The following CILK1 variants were observed in gnomAD, a reference collection of about 807,000 sequenced individuals.
CILK1 encodes ciliogenesis associated kinase 1.
In CILK1, 47 loss-of-function variants were observed where a neutral mutation model predicts 79.2. The observed-to-expected ratio is 0.59, with a 90% CI of 0.47 to 0.76. CILK1 has a LOEUF of 0.76. CILK1 is among the 30% of genes least tolerant of loss of function. The pLI is 0.00. For missense variants in CILK1, 660 were observed against 769.5 expected (o/e 0.86, Z 1.68); for synonymous variants, 266 against 275.9 (o/e 0.96, Z 0.36).
At chr6:53,056,860 A>G (rs575212472) in intron 1 of CILK1, among the ~76,000 whole-genome samples, 71 of 152,352 alleles carry the variant, frequency 4.7e-4, no homozygotes, top group African/African-American at 1.6e-3. Context: ...TCATCCCGTC[A>G]CGCCCCACTT....
chr6:53,022,604 T>A (rs1278724061), intron 5 of CILK1, among the ~76,000 whole-genome samples: 4 of 152,210 alleles, frequency 2.6e-5, no homozygotes, highest in African/African-American at 9.7e-5. Context: ...TCAGAACATA[T>A]CCAGTCATCA....
intron 2 of CILK1, among the ~76,000 whole-genome samples, chr6:53,038,840 C>G (rs371441528): frequency 6.6e-6 from 1 of 152,114 alleles, no homozygotes; most frequent in East Asian, 1.9e-4. Flanking sequence ...GTTTGCCAAC[C>G]CCTGGTCTAG....
intron 4 of CILK1, among the ~76,000 whole-genome samples, chr6:53,031,903 C>T (rs1444907965): frequency 6.6e-6 from 1 of 152,026 alleles, no homozygotes; most frequent in South Asian, 2.1e-4. Flanking sequence ...GTGCGATGTC[C>T]GCTCACCCCA....
At chr6:53,055,136 A>G (rs915738558) in intron 1 of CILK1, among the ~76,000 whole-genome samples, 1 of 152,194 alleles carries the variant, frequency 6.6e-6, no homozygotes, top group Non-Finnish European at 1.5e-5. Context: ...TACATTGAAA[A>G]GATTCTGTTA....
Position 53,013,885 on chromosome 6 carries a change from T to C in CILK1, c.929A>G (p.Lys310Arg), listed in dbSNP as rs1381159608. The change falls in exon 9 of 14, where the codon AAG becomes AGG. Residue 310 changes from lysine (K) to arginine (R), a missense_variant. Transcript: ENST00000676107. The stretch of plus-strand genomic sequence containing the variant: ...CTTAATATAAGGAGGTGGGCCTGCC[T>C]TTTCCAGGATGCCTTTCTGTGGTTT... ...SEKPQKGILE[K>R]AGPPPYIKPV... The C allele has an allele frequency of 1.2e-6, 2 of 1,613,870 alleles. No homozygotes were observed. The highest frequency in any genetic ancestry group is 2.2e-5 in the East Asian group (1 of 44,888).
chr6:53,013,958 C>CT lies in CILK1; in HGVS notation c.855dup (p.Val286SerfsTer33). ...GTGGTGCTGCCTAGTGGGTGTCCAA[C>CT]TTGGAAGTAAGGATATCGAAGTGCC... On this transcript the variant is annotated frameshift_variant, in exon 9 of 14. Coordinates refer to ENST00000676107, the MANE Select transcript of CILK1 (RefSeq NM_014920.5). LOFTEE classifies it high-confidence loss of function. 6.2e-7 allele frequency: 1 copy of CT among 1,614,002 alleles called. No homozygotes were observed. The highest frequency in any genetic ancestry group is 8.5e-7 in the Non-Finnish European group (1 of 1,179,996).
chr6:53,044,861 AG>A (rs1360646786), intron 1 of CILK1, among the ~76,000 whole-genome samples: 3 of 152,182 alleles, frequency 2.0e-5, no homozygotes, highest in Non-Finnish European at 4.4e-5. Context: ...AGCCCTCACC[AG>A]AAACCAAACC....
At chr6:53,007,588 G>A (rs1182254732) in intron 12 of CILK1, among the ~76,000 whole-genome samples, 2 of 152,142 alleles carry the variant, frequency 1.3e-5, no homozygotes, top group Non-Finnish European at 2.9e-5. Flanking sequence ...AGAGCAAGTA[G>A]TTTGGCAATA....
At position 53,012,207 on chromosome 6, in the gene CILK1, C is replaced by A. The variant is rs1320187978; in HGVS notation, c.1173G>T (p.Glu391Asp). ...HPQSKITAGL[E>D]HKNGEIKPKS... ...TTGGCTTTATCTCACCATTTTTGTG[C>A]TCCAGGCCAGCTGTGATTTTCTGTG... The change falls in exon 10 of 14, where the codon GAG becomes GAT. Residue 391 changes from glutamate to aspartate, a missense_variant. Coordinates refer to ENST00000676107, the MANE Select transcript of CILK1 (RefSeq NM_014920.5). The A allele has an allele frequency of 6.2e-7, 1 of 1,614,158 alleles. No individual in the cohort carries two copies. The highest frequency in any genetic ancestry group is 8.5e-7 in the Non-Finnish European group (1 of 1,180,010).
intron 1 of CILK1, among the ~76,000 whole-genome samples, chr6:53,045,687 C>A (rs982325717): frequency 6.6e-6 from 1 of 151,666 alleles, no homozygotes; most frequent in Non-Finnish European, 1.5e-5. Flanking sequence ...AGGGATGTAA[C>A]CCCACTCTAA....
At chr6:53,006,254 A>G (rs1407048656) in intron 13 of CILK1, 61 bp downstream of exon 13, 1 of 1,533,834 alleles carries the variant, frequency 6.5e-7, no homozygotes, top group South Asian at 1.1e-5. Context: ...GCCTGGCACA[A>G]AGCAGTTGTT....
chr6:53,031,028 A>T, intron 5 of CILK1, 37 bp downstream of exon 5: 2 of 1,352,142 alleles, frequency 1.5e-6, no homozygotes, highest in South Asian at 1.2e-5. Context: ...ACAACATTTC[A>T]CTGCTCTTCA....
intron 5 of CILK1, among the ~76,000 whole-genome samples, chr6:53,024,833 CTTT>C (rs11399655): frequency 7.5e-6 from 1 of 133,888 alleles, no homozygotes. Flanking sequence ...ATAGCTAAAT[CTTT>C]TTTTTTTTTT....
intron 1 of CILK1, among the ~76,000 whole-genome samples, chr6:53,047,463 GC>G (rs1767159938): frequency 8.0e-6 from 1 of 124,562 alleles, no homozygotes; most frequent in Non-Finnish European, 1.6e-5. Flanking sequence ...ACACTACCAG[GC>G]TTTTTTTTTT....
intron 1 of CILK1, among the ~76,000 whole-genome samples, chr6:53,059,858 T>C (rs142023506): frequency 2.3e-3 from 356 of 152,366 alleles, no homozygotes; most frequent in African/African-American, 8.2e-3. Context: ...ACCAGAGGGA[T>C]GCTTCTCATT....
chr6:53,007,772 A>G (rs543403625), intron 12 of CILK1, among the ~76,000 whole-genome samples: 264 of 142,512 alleles, frequency 1.9e-3, no homozygotes, highest in African/African-American at 6.8e-3. Context: ...TCTACTAAAA[A>G]TACAAAAAAA....
chr6:53,033,270 G>A (rs566426308), intron 3 of CILK1, among the ~76,000 whole-genome samples: 4 of 152,152 alleles, frequency 2.6e-5, no homozygotes, highest in Non-Finnish European at 4.4e-5. Context: ...CAAGAACAAC[G>A]AAGGCAAAAA....
In CILK1 at chr6:53,004,862, A is replaced by G; in HGVS notation, c.*287T>C. On this transcript the variant is annotated 3_prime_UTR_variant, in exon 14 of 14. Coordinates refer to ENST00000676107, the MANE Select transcript of CILK1 (RefSeq NM_014920.5). ...AAGTTCATTACAAAGTTGACTGTAT[A>G]AAATGCTAAAACATAATCCATATAT... is the stretch of plus-strand genomic sequence containing the variant. 3.5e-6 allele frequency: 1 copy of G among 289,468 alleles called. No individual in the cohort carries two copies. The highest frequency in any genetic ancestry group is 6.5e-6 in the Non-Finnish European group (1 of 153,234). The allele number at this position is 289,468 out of a possible 1,614,324, so 17.9% of individuals were successfully genotyped here.
At chr6:53,036,444 C>T (rs564378683) in intron 3 of CILK1, among the ~76,000 whole-genome samples, 1 of 152,278 alleles carries the variant, frequency 6.6e-6, no homozygotes, top group South Asian at 2.1e-4. Context: ...AAGACTGAGT[C>T]TTGCTCTGTC....
Sources: allele counts gnomAD v4.1 joint callset (sites outside exome capture counted in the v4.1 genomes callset), GRCh38; gene constraint gnomAD v4.1.1; transcripts MANE v1.5; gene names NCBI Gene and HGNC (gene_info 2026-07-23, HGNC 2026-07-21).